The following RABGAP1L variants were observed in gnomAD, a reference collection of about 807,000 sequenced individuals.
The protein encoded by RABGAP1L is RAB GTPase activating protein 1 like.
In RABGAP1L, 63 loss-of-function variants were observed where a neutral mutation model predicts 137.7. That is an observed-to-expected ratio of 0.46 (90% confidence interval 0.37 to 0.56). The LOEUF (loss-of-function observed/expected upper bound fraction) is 0.56, where lower values mean the gene tolerates loss of function less well. Among genes scored for constraint, RABGAP1L ranks in the 20% least tolerant of loss-of-function variants. The pLI, the probability that RABGAP1L is intolerant of heterozygous loss-of-function variation, is 0.00. For synonymous variants in RABGAP1L, 431 were observed against 433.7 expected (o/e 0.99, Z 0.08); for missense variants, 1,095 against 1,244.0 (o/e 0.88, Z 1.80).
intron 13 of RABGAP1L, among the ~76,000 whole-genome samples, chr1:174,428,298 G>A (rs1364540960): frequency 6.6e-6 from 1 of 152,150 alleles, no homozygotes; most frequent in Non-Finnish European, 1.5e-5. Context: ...CAATTATCTA[G>A]GTCTAGGAGC....
In RABGAP1L at chr1:174,159,609, G is replaced by A. The variant is rs1664238160; in HGVS notation, c.-82G>A. 6.6e-6 allele frequency: 1 copy of A among 152,410 alleles called. No individual in the cohort carries two copies. 9.4% of individuals were successfully genotyped at this position (152,410 alleles called of 1,614,324 possible). ...GCGCGAGGTGGAGGGTGGAACGCGG[G>A]CGCCTGAAGGAGTTGTTGTCTCGGC... On this transcript the variant is annotated 5_prime_UTR_variant, in exon 1 of 26. Transcript: ENST00000681986.
chr1:174,527,008 T>C (rs1663932846), intron 13 of RABGAP1L, among the ~76,000 whole-genome samples: 1 of 152,094 alleles, frequency 6.6e-6, no homozygotes, highest in Non-Finnish European at 1.5e-5. Context: ...ATCCCACACA[T>C]CTTGGTATGT....
chr1:174,639,229 T>C (rs576076778), intron 14 of RABGAP1L, among the ~76,000 whole-genome samples: 55 of 152,268 alleles, frequency 3.6e-4, no homozygotes, highest in African/African-American at 1.2e-3. Flanking sequence ...ATTATAAATA[T>C]ATGCTGATTA....
intron 1 of RABGAP1L, among the ~76,000 whole-genome samples, chr1:174,208,679 T>A (rs1372598149): frequency 6.6e-6 from 1 of 152,216 alleles, no homozygotes; most frequent in African/African-American, 2.4e-5. Context: ...TGTTAAGAAT[T>A]TTTGTATTAA....
At chr1:174,432,042 G>A (rs1208623809) in intron 13 of RABGAP1L, among the ~76,000 whole-genome samples, 1 of 152,002 alleles carries the variant, frequency 6.6e-6, no homozygotes, top group Non-Finnish European at 1.5e-5. Context: ...TGAGGTTTGG[G>A]GTATGGTTGA....
At chr1:174,601,304 G>A (rs541899692) in intron 13 of RABGAP1L, among the ~76,000 whole-genome samples, 1 of 152,336 alleles carries the variant, frequency 6.6e-6, no homozygotes, top group East Asian at 1.9e-4. Flanking sequence ...ATGGCCTGGA[G>A]ACATTTTCCC....
At chr1:174,230,592 C>G (rs1041048511) in intron 3 of RABGAP1L, among the ~76,000 whole-genome samples, 2 of 152,034 alleles carry the variant, frequency 1.3e-5, no homozygotes, top group Admixed American at 6.6e-5. Context: ...GGGGCTCACA[C>G]GGAAATTCCT....
chr1:174,876,860 TTTTC>T (rs1653194077), intron 19 of RABGAP1L, among the ~76,000 whole-genome samples: 1 of 152,210 alleles, frequency 6.6e-6, no homozygotes, highest in East Asian at 1.9e-4. Context: ...TTTGGCATTT[TTTTC>T]TTTAACAGAA....
rs1170145677 is a variant in RABGAP1L at position 174,969,200 on chromosome 1, T to C, written c.2434-77T>C. On this transcript the variant is annotated intron_variant, in intron 20 of 25. Transcript: ENST00000681986. ...ACCTTTGAAAGTTCACTTTGTTGCT[T>C]GTTTTTCCTCACCAGTTCTGTTCGT... The C allele has an allele frequency of 4.4e-6, 5 of 1,125,354 alleles. No individual in the cohort carries two copies. The East Asian group carries it at 1.3e-4, about 29-fold the overall frequency. 69.7% of individuals were successfully genotyped at this position (1,125,354 alleles called of 1,614,324 possible).
At chr1:174,469,287 G>A (rs888049925) in intron 13 of RABGAP1L, among the ~76,000 whole-genome samples, 14 of 152,098 alleles carry the variant, frequency 9.2e-5, no homozygotes, top group Non-Finnish European at 2.9e-5. Context: ...ATATCAGAAA[G>A]TTTCATATTA....
At chr1:174,573,958 A>C (rs1390371075) in intron 13 of RABGAP1L, among the ~76,000 whole-genome samples, 1 of 152,230 alleles carries the variant, frequency 6.6e-6, no homozygotes, top group African/African-American at 2.4e-5. Context: ...GAACAAGATT[A>C]GAAAGGGAAT....
At chr1:174,885,739 G>T (rs913795333) in intron 19 of RABGAP1L, among the ~76,000 whole-genome samples, 3 of 151,996 alleles carry the variant, frequency 2.0e-5, no homozygotes, top group African/African-American at 7.2e-5. Context: ...AGGCTGAGGC[G>T]AGTGGATCAC....
At chr1:174,497,464 A>G (rs1164379818) in intron 13 of RABGAP1L, among the ~76,000 whole-genome samples, 2 of 152,168 alleles carry the variant, frequency 1.3e-5, no homozygotes, top group African/African-American at 2.4e-5. Flanking sequence ...TTTTGTTTTC[A>G]GCCCTGTCCT....
At chr1:174,221,611 T>C (rs983448678) in intron 3 of RABGAP1L, among the ~76,000 whole-genome samples, 2 of 152,236 alleles carry the variant, frequency 1.3e-5, no homozygotes, top group Non-Finnish European at 2.9e-5. Context: ...AATTAGGATT[T>C]GTACTTTGAA....
chr1:174,423,910 A>G (rs1345244639), intron 13 of RABGAP1L, among the ~76,000 whole-genome samples: 1 of 152,094 alleles, frequency 6.6e-6, no homozygotes, highest in African/African-American at 2.4e-5. Flanking sequence ...CTCTGTTTTT[A>G]GAAACAGAGA....
At chr1:174,606,309 C>A (rs998280716) in intron 13 of RABGAP1L, among the ~76,000 whole-genome samples, 2 of 152,120 alleles carry the variant, frequency 1.3e-5, no homozygotes, top group Non-Finnish European at 1.5e-5. Context: ...GAATTCATAG[C>A]TGTATATAAA....
rs370175214 is a variant in RABGAP1L, at chr1:174,383,484, A to G, written c.1560-10511A>G. On this transcript the variant is annotated intron_variant, in intron 12 of 25. Coordinates refer to ENST00000681986, the MANE Select transcript of RABGAP1L (RefSeq NM_001366446.1). ...CCCTCTGAGCCAGGTGTGGGATATA[A>G]TCTCGTGGTGCGCCGTTTTTTAAGC... 7.4e-4 allele frequency among the ~76,000 whole-genome samples: 112 copies of G among 152,004 alleles called. 1 individual carries two copies. The highest frequency in any genetic ancestry group is 2.3e-3 in the African/African-American group (94 of 41,438).
intron 17 of RABGAP1L, among the ~76,000 whole-genome samples, chr1:174,716,332 C>T (rs1248911602): frequency 6.6e-6 from 1 of 152,124 alleles, no homozygotes; most frequent in Non-Finnish European, 1.5e-5. Flanking sequence ...TGGCTATTCA[C>T]AGACATTATC....
chr1:174,767,027 A>G (rs567524882), intron 18 of RABGAP1L, among the ~76,000 whole-genome samples: 3 of 152,338 alleles, frequency 2.0e-5, no homozygotes, highest in South Asian at 2.1e-4. Flanking sequence ...CCAATTGCCA[A>G]TAAGAAAATC....
Sources: gnomAD v4.1 joint callset for allele counts (sites outside exome capture counted in the v4.1 genomes callset) on GRCh38, gnomAD v4.1.1 for gene constraint, MANE v1.5 for transcripts, NCBI Gene and HGNC (gene_info 2026-07-23, HGNC 2026-07-21) for gene names.